DOCK2: variants seen among roughly 807,000 people sequenced by gnomAD.
The protein encoded by DOCK2 is dedicator of cytokinesis protein 2.
DOCK2 carries 87 observed loss-of-function variants against 248.9 expected under a neutral mutation model. That is an observed-to-expected ratio of 0.35 (90% CI 0.29 to 0.42). DOCK2 has a LOEUF of 0.42. Ranked by LOEUF, DOCK2 falls within the 10% of genes least tolerant of loss-of-function variation. The pLI is 1.00. For missense variants in DOCK2, 1,747 were observed against 2,300.2 expected, an observed-to-expected ratio of 0.76 and a Z score of 4.92; for synonymous variants, 805 against 821.6, an observed-to-expected ratio of 0.98 and a Z score of 0.35.
rs1297152138 is a variant in DOCK2, at chr5:169,716,237, C to G, written c.1966C>G (p.Leu656Val). ...GTTTCTCCAGGATACTCTGGATGCC[C>G]TCTTCAACATCATGATGGAGCATTC... Reference protein sequence around the residue: ...VKFLQDTLDALFNIMMEHSQS... With the variant: ...VKFLQDTLDAVFNIMMEHSQS... The change falls in exon 20 of 52, where the codon CTC (leucine) becomes GTC (valine). Residue 656 changes from leucine (L) to valine (V), a missense_variant. Transcript: ENST00000520908. 2.5e-6 allele frequency: 4 copies of G among 1,613,698 alleles called. No homozygotes were observed. The South Asian group carries it at 4.4e-5, about 18-fold the overall frequency.
At chr5:169,879,012 G>T (rs1427447574) in intron 27 of DOCK2, among the ~76,000 whole-genome samples, 2 of 152,184 alleles carry the variant, frequency 1.3e-5, no homozygotes, top group African/African-American at 4.8e-5. Context: ...GAGGCTTAGG[G>T]AGCAGAGAGA....
rs539228921 is a variant in DOCK2 at position 169,780,180 on chromosome 5, G to A, written c.2554+18555G>A. Among the ~76,000 whole-genome samples, 4 of 152,252 alleles carry A rather than the reference G, an allele frequency of 2.6e-5. No homozygotes were observed. In the East Asian group the frequency reaches 7.7e-4, roughly 29 times the overall value. The stretch of plus-strand genomic sequence containing the variant: ...CTCTTGCCCATCCAGCGTGAGCCCA[G>A]TTTGCCCTGGTGATTGCCACCTTCC... On this transcript the variant is annotated intron_variant, in intron 25 of 51. Transcript: ENST00000520908.
At chr5:169,752,162 A>G (rs998429420) in intron 23 of DOCK2, among the ~76,000 whole-genome samples, 2 of 152,206 alleles carry the variant, frequency 1.3e-5, no homozygotes, top group African/African-American at 4.8e-5. Context: ...ATAGAGCTCA[A>G]AAGTTAGTAA....
intron 50 of DOCK2, chr5:170,080,605 G>T (rs925682448): frequency 1.5e-5 from 5 of 323,040 alleles, no homozygotes; most frequent in Non-Finnish European, 2.9e-5. Context: ...GGGGCCAGAA[G>T]TTTGCCCTTG....
At chr5:169,935,851 AAAT>A in intron 27 of DOCK2, among the ~76,000 whole-genome samples, 1 of 152,354 alleles carries the variant, frequency 6.6e-6, no homozygotes, top group Middle Eastern at 3.4e-3. Context: ...TCCTACAGAT[AAAT>A]AATAATTAGG....
At chr5:169,765,700 G>A (rs1217259396) in intron 25 of DOCK2, among the ~76,000 whole-genome samples, 2 of 152,210 alleles carry the variant, frequency 1.3e-5, no homozygotes, top group Non-Finnish European at 2.9e-5. Flanking sequence ...TTGACAGAAA[G>A]AGAGAGGGAA....
At chr5:169,986,944 G>C (rs140233275) in intron 29 of DOCK2, among the ~76,000 whole-genome samples, 2 of 152,304 alleles carry the variant, frequency 1.3e-5, no homozygotes, top group East Asian at 3.9e-4. Flanking sequence ...GACAAAATCA[G>C]AATTCTCTGA....
At chr5:170,056,837 G>T (rs1757148035) in intron 43 of DOCK2, 69 bp downstream of exon 43, 2 of 1,411,616 alleles carry the variant, frequency 1.4e-6, no homozygotes, top group Non-Finnish European at 2.0e-6. Context: ...GCATCGGCCA[G>T]CCTCAGAATG....
At chr5:169,877,664 T>C (rs368039803) in intron 27 of DOCK2, among the ~76,000 whole-genome samples, 13 of 152,188 alleles carry the variant, frequency 8.5e-5, no homozygotes, top group Admixed American at 2.0e-4. Context: ...TTTAGATAGA[T>C]AGATAGATAG....
At chr5:169,890,894 C>T (rs1022192435) in intron 27 of DOCK2, among the ~76,000 whole-genome samples, 4 of 152,146 alleles carry the variant, frequency 2.6e-5, no homozygotes, top group African/African-American at 9.7e-5. Context: ...ATCTGTCCTC[C>T]ACACAGCAGC....
chr5:169,780,068 G>T (rs1008279616), intron 25 of DOCK2, among the ~76,000 whole-genome samples: 4 of 152,162 alleles, frequency 2.6e-5, no homozygotes, highest in African/African-American at 4.8e-5. Flanking sequence ...TACTTTGGGG[G>T]TCATGTATTT....
chr5:169,847,916 C>T (rs935995369), intron 27 of DOCK2, among the ~76,000 whole-genome samples: 8 of 152,196 alleles, frequency 5.3e-5, no homozygotes, highest in Non-Finnish European at 8.8e-5. Context: ...AGTCCAAAAA[C>T]TCTTGTATAA....
At position 169,713,984 on chromosome 5, in the gene DOCK2, G is replaced by C. The variant is rs1411629938; in HGVS notation, c.1660-44G>C. 3 of 1,545,492 alleles carry C rather than the reference G, an allele frequency of 1.9e-6. No homozygotes were observed. The South Asian group carries it at 3.7e-5, about 19-fold the overall frequency. The stretch of plus-strand genomic sequence containing the variant: ...TGCTGCAGGCTCTGTGTGGCATTGG[G>C]CATGGAGCCTTGGCTTGGGGCAGTA... On this transcript the variant is annotated intron_variant, in intron 17 of 51. Coordinates refer to ENST00000520908, the MANE Select transcript of DOCK2 (RefSeq NM_004946.3).
rs188562733 is a variant in DOCK2 at position 170,030,573 on chromosome 5, A to T, written c.3467+2625A>T. 5.9e-5 allele frequency among the ~76,000 whole-genome samples: 9 copies of T among 152,362 alleles called. No individual in the cohort carries two copies. In the East Asian group the frequency reaches 1.7e-3, roughly 29 times the overall value. ...TTGTTTTTCAGATTTTGAAATAATT[A>T]TACTTAATAGTTAAGTGTCCCTAGT... is the stretch of plus-strand genomic sequence containing the variant. On this transcript the variant is annotated intron_variant, in intron 34 of 51. Transcript: ENST00000520908.
In DOCK2 at chr5:170,041,118, G is replaced by A. The variant is rs560979452; in HGVS notation, c.3729G>A (p.Thr1243=). ...ACAATTACACAGAGGCTGCCTACAC[G>A]CTCCTTCTCCACACCTGGCTTCTCA... ...DCDNYTEAAY[T]LLLHTWLLKW... Residue 1243 remains threonine, a synonymous_variant, in exon 37 of 52, where the codon ACG becomes ACA. Transcript: ENST00000520908. The A allele has an allele frequency of 9.3e-6, 15 of 1,614,036 alleles. No homozygotes were observed. Among genetic ancestry groups the A allele is most frequent in the African/African-American group, 2.7e-5 (2 of 75,008 alleles).
chr5:169,930,397 C>T (rs902310024), intron 27 of DOCK2, among the ~76,000 whole-genome samples: 1 of 152,160 alleles, frequency 6.6e-6, no homozygotes, highest in Non-Finnish European at 1.5e-5. Flanking sequence ...TGTCTGGGCT[C>T]GAGGGACCTC....
chr5:169,970,772 T>C (rs1455788581), intron 27 of DOCK2, among the ~76,000 whole-genome samples: 3 of 152,230 alleles, frequency 2.0e-5, no homozygotes, highest in Non-Finnish European at 4.4e-5. Context: ...TTTTCTTTTC[T>C]AGATGGAATT....
chr5:169,677,884 G>T (rs375854717), intron 6 of DOCK2, among the ~76,000 whole-genome samples: 197 of 152,348 alleles, frequency 1.3e-3, no homozygotes, highest in Non-Finnish European at 2.1e-3. Context: ...AAAAAGGGAA[G>T]CTGGATGTGG....
intron 51 of DOCK2, 121 bp from the exon 52 acceptor site, chr5:170,082,675 T>C: frequency 7.9e-7 from 1 of 1,263,198 alleles, no homozygotes; most frequent in Non-Finnish European, 1.1e-6. Context: ...GCAGCTCACA[T>C]TCACTGGGCT....
Sources: allele counts gnomAD v4.1 joint callset (sites outside exome capture counted in the v4.1 genomes callset), GRCh38; gene constraint gnomAD v4.1.1; transcripts MANE v1.5; gene names NCBI Gene and HGNC (gene_info 2026-07-23, HGNC 2026-07-21).